MAMDC2: variants seen among roughly 807,000 people sequenced by gnomAD.
MAMDC2 encodes MAM domain-containing protein 2.
MAMDC2 carries 57 observed loss-of-function variants against 89.8 expected under a neutral mutation model. The ratio of observed to expected loss-of-function variants is 0.63; its 90% CI spans 0.51 to 0.79. MAMDC2 has a LOEUF of 0.79. Among genes scored for constraint, MAMDC2 ranks in the 30% least tolerant of loss-of-function variants. The pLI is 0.00. For synonymous variants in MAMDC2, 313 were observed against 293.4 expected (o/e 1.07, Z -0.68); for missense variants, 800 against 820.6 (o/e 0.97, Z 0.31).
chr9:70,141,362 T>A (rs546535506), intron 8 of MAMDC2, among the ~76,000 whole-genome samples: 21 of 152,214 alleles, frequency 1.4e-4, no homozygotes, highest in Non-Finnish European at 2.6e-4. Context: ...TTCAAAGTAA[T>A]AAAACATTCA....
At chr9:70,209,184 C>A (rs549756684) in intron 11 of MAMDC2, among the ~76,000 whole-genome samples, 1 of 152,006 alleles carries the variant, frequency 6.6e-6, no homozygotes, top group African/African-American at 2.4e-5. Flanking sequence ...TCTGTTGATT[C>A]GAATAGTTTC....
intron 9 of MAMDC2, among the ~76,000 whole-genome samples, chr9:70,159,584 C>T (rs887020273): frequency 2.6e-5 from 4 of 152,188 alleles, no homozygotes; most frequent in Non-Finnish European, 5.9e-5. Flanking sequence ...AGGAGGGGTT[C>T]ATCTAGAGCA....
chr9:70,221,530 G>T (rs1411638220), intron 12 of MAMDC2, among the ~76,000 whole-genome samples: 3 of 150,326 alleles, frequency 2.0e-5, no homozygotes, highest in Non-Finnish European at 4.4e-5. Flanking sequence ...TTGGTCAAAG[G>T]CTACAAAGTT....
chr9:70,044,649 G>A lies in MAMDC2; in HGVS notation c.100G>A (p.Gly34Ser). 6.4e-7 allele frequency: 1 copy of A among 1,551,644 alleles called. No individual in the cohort carries two copies. The highest frequency in any genetic ancestry group is 8.7e-7 in the Non-Finnish European group (1 of 1,146,990). ...CTGTGCCTTTGAAGAGAGCACTTGC[G>A]GCTTTGACTCCGTGTTGGCCTCTCT... is the stretch of plus-strand genomic sequence containing the variant. ...GSCAFEESTC[G>S]FDSVLASLPW... Residue 34 changes from glycine (G) to serine (S), a missense_variant, in exon 2 of 14, where the codon GGC (glycine) becomes AGC (serine). Gly to Ser is a moderately conservative substitution (Grantham distance 56). Coordinates refer to ENST00000377182, the MANE Select transcript of MAMDC2 (RefSeq NM_153267.5).
chr9:70,144,458 ATAAACT>A (rs1167392532), intron 9 of MAMDC2, among the ~76,000 whole-genome samples: 1 of 152,254 alleles, frequency 6.6e-6, no homozygotes, highest in Non-Finnish European at 1.5e-5. Flanking sequence ...TTAGCAACTC[ATAAACT>A]TAAAGAAGTT....
At chr9:70,130,881 G>A (rs1403804457) in intron 6 of MAMDC2, among the ~76,000 whole-genome samples, 1 of 152,134 alleles carries the variant, frequency 6.6e-6, no homozygotes, top group East Asian at 1.9e-4. Context: ...TAGTTCTGTA[G>A]TTCTAGCAGA....
At chr9:70,114,421 C>T (rs1179948923) in intron 5 of MAMDC2, among the ~76,000 whole-genome samples, 1 of 151,522 alleles carries the variant, frequency 6.6e-6, no homozygotes, top group Non-Finnish European at 1.5e-5. Context: ...TGTGAAATTT[C>T]CCAAATTTTT....
At chr9:70,208,745 A>T (rs59431987) in intron 11 of MAMDC2, among the ~76,000 whole-genome samples, 11,086 of 57,638 alleles carry the variant, frequency 0.19, 590 homozygotes, top group East Asian at 0.5. Context: ...GTTTTTGTCC[A>T]TTCAGTATGA....
rs908998799 is a variant in MAMDC2 at position 70,145,595 on chromosome 9, C to CACAA, written c.1404+1777_1404+1778insCAAA. 9.2e-5 allele frequency among the ~76,000 whole-genome samples: 14 copies of CACAA among 151,614 alleles called. No homozygotes were observed. In the East Asian group the frequency reaches 2.5e-3, roughly 27 times the overall value. On this transcript the variant is annotated intron_variant, in intron 9 of 13. Coordinates refer to ENST00000377182, the MANE Select transcript of MAMDC2 (RefSeq NM_153267.5). Reference sequence around the variant, plus strand: ...GTACACACACACATGCACACACATACAAGCAAATACCAGAGTCCCACAATC... The same window carrying CACAA: ...GTACACACACACATGCACACACATACACAAAAGCAAATACCAGAGTCCCACAATC...
intron 11 of MAMDC2, among the ~76,000 whole-genome samples, chr9:70,207,092 A>G (rs1205418873): frequency 4.6e-5 from 7 of 152,330 alleles, no homozygotes; most frequent in Admixed American, 1.3e-4. Context: ...ATAAACATAC[A>G]TATGCAGGTG....
Position 70,051,369 on chromosome 9 carries a change from G to A in MAMDC2, c.148+6672G>A, listed in dbSNP as rs545089728. Among the ~76,000 whole-genome samples, 7 of 152,278 alleles carry A rather than the reference G, an allele frequency of 4.6e-5. No homozygotes were observed. In the South Asian group the frequency reaches 1.5e-3, roughly 32 times the overall value. ...TAAGACACCTAGGGATTTTTAGGATGTTTCCCATACCATAATTGCAGAAGT... is the reference window on the plus strand; with the variant it reads ...TAAGACACCTAGGGATTTTTAGGATATTTCCCATACCATAATTGCAGAAGT... On this transcript the variant is annotated intron_variant, in intron 2 of 13. Transcript: ENST00000377182.
chr9:70,048,804 C>G (rs750160307), intron 2 of MAMDC2, among the ~76,000 whole-genome samples: 14 of 152,156 alleles, frequency 9.2e-5, no homozygotes, highest in Non-Finnish European at 1.9e-4. Context: ...ATGCGGTTGG[C>G]CTTGCATCCA....
At chr9:70,212,322 C>T (rs1369774587) in intron 11 of MAMDC2, among the ~76,000 whole-genome samples, 1 of 152,242 alleles carries the variant, frequency 6.6e-6, no homozygotes, top group Non-Finnish European at 1.5e-5. Context: ...CAAGCCTCAG[C>T]AATGGCAGAT....
chr9:70,221,356 A>AACATATATATAT (rs2033551282), intron 12 of MAMDC2, among the ~76,000 whole-genome samples: 1 of 9,422 alleles, frequency 1.1e-4, no homozygotes, highest in Non-Finnish European at 2.0e-4. Flanking sequence ...CCAAACAACA[A>AACATATATATAT]ATATATATAT....
At chr9:70,068,296 G>A (rs1827315030) in intron 2 of MAMDC2, among the ~76,000 whole-genome samples, 1 of 152,168 alleles carries the variant, frequency 6.6e-6, no homozygotes, top group South Asian at 2.1e-4. Flanking sequence ...TGTATTTGAG[G>A]CACAGCCTGG....
At chr9:70,135,642 AT>A (rs1294535799) in intron 7 of MAMDC2, among the ~76,000 whole-genome samples, 4 of 152,076 alleles carry the variant, frequency 2.6e-5, no homozygotes, top group African/African-American at 7.2e-5. Context: ...GATAGGCATT[AT>A]TTTTTAGTGT....
chr9:70,217,061 C>A, intron 11 of MAMDC2: 1 of 456,954 alleles, frequency 2.2e-6, no homozygotes, highest in South Asian at 2.5e-5. Context: ...CCGATTAATC[C>A]TGTTTCTGCC....
intron 11 of MAMDC2, among the ~76,000 whole-genome samples, chr9:70,177,123 CTTG>C (rs1419209099): frequency 6.6e-6 from 1 of 151,992 alleles, no homozygotes; most frequent in Non-Finnish European, 1.5e-5. Context: ...TTTTCCTTTC[CTTG>C]TTAAGTCACA....
chr9:70,126,652 A>G (rs867957459), intron 6 of MAMDC2, among the ~76,000 whole-genome samples: 26 of 152,130 alleles, frequency 1.7e-4, no homozygotes, highest in African/African-American at 6.3e-4. Flanking sequence ...TATGAGAACA[A>G]ATATGGCTAA....
Sources: allele counts gnomAD v4.1 joint callset (sites outside exome capture counted in the v4.1 genomes callset), GRCh38; gene constraint gnomAD v4.1.1; transcripts MANE v1.5; gene names NCBI Gene and HGNC (gene_info 2026-07-23, HGNC 2026-07-21).